TTF2: variants seen among roughly 807,000 people sequenced by gnomAD.
TTF2 encodes the protein transcription termination factor 2.
In TTF2, 108 loss-of-function variants were observed where a neutral mutation model predicts 142.4. That is an observed-to-expected ratio of 0.76 (90% CI 0.65 to 0.89). TTF2 has a LOEUF of 0.89. Ranked by LOEUF, TTF2 falls within the 40% of genes least tolerant of loss-of-function variation. TTF2 has a pLI of 0.00. For synonymous variants in TTF2, 483 were observed against 506.2 expected, an observed-to-expected ratio of 0.95 and a Z score of 0.61; for missense variants, 1,327 against 1,379.8, an observed-to-expected ratio of 0.96 and a Z score of 0.61.
In TTF2 at chr1:117,093,681, A is replaced by G. The variant is rs1233980948; in HGVS notation, c.2976+780A>G. On this transcript the variant is annotated intron_variant, in intron 18 of 22. Transcript: ENST00000369466. The surrounding 1 kb of genome is among the most constrained non-coding windows in gnomAD (Gnocchi z 4.5). Reference sequence around the variant, plus strand: ...ACATTTACCTAGGTCTTTACCACTGATAGCTGAGAGAAACATAAGAAGAGC... The same window carrying G: ...ACATTTACCTAGGTCTTTACCACTGGTAGCTGAGAGAAACATAAGAAGAGC... Among the ~76,000 whole-genome samples, 1 of 152,228 alleles carries G rather than the reference A, an allele frequency of 6.6e-6. No homozygotes were observed. The highest frequency in any genetic ancestry group is 1.5e-5 in the Non-Finnish European group (1 of 68,044).
intron 3 of TTF2, among the ~76,000 whole-genome samples, chr1:117,069,190 T>C (rs939911618): frequency 4.6e-5 from 7 of 152,226 alleles, no homozygotes; most frequent in Non-Finnish European, 1.0e-4. Flanking sequence ...TTTCCAGAGC[T>C]GGACCATGTA....
intron 4 of TTF2, among the ~76,000 whole-genome samples, chr1:117,074,543 C>T (rs542349312): frequency 6.6e-6 from 1 of 152,108 alleles, no homozygotes; most frequent in Admixed American, 6.6e-5. Flanking sequence ...ACTGTGTTTC[C>T]ATTTCTTCTG....
chr1:117,097,455 T>A lies in TTF2; in HGVS notation c.3269+22T>A. On this transcript the variant is annotated intron_variant, in intron 21 of 22. Coordinates refer to ENST00000369466, the MANE Select transcript of TTF2 (RefSeq NM_003594.4). This position sits in a 1 kb window ranked among gnomAD's most constrained non-coding sequence, Gnocchi z 4.1. ...ACTGGTAATGATTCCGGATTTGTCC[T>A]GGGTTGTCACAGCACATCAAGGAGG... 1 of 1,613,190 alleles carries A rather than the reference T, an allele frequency of 6.2e-7. No homozygotes were observed. Among genetic ancestry groups the A allele is most frequent in the Non-Finnish European group, 8.5e-7 (1 of 1,179,120 alleles).
chr1:117,069,266 G>A (rs1377226536), intron 3 of TTF2, among the ~76,000 whole-genome samples: 1 of 152,232 alleles, frequency 6.6e-6, no homozygotes, highest in Non-Finnish European at 1.5e-5. Context: ...GATGTACTGA[G>A]ATTGGGGTGC....
chr1:117,076,260 A>C lies in TTF2; in HGVS notation c.1356A>C (p.Glu452Asp), dbSNP rs1656999288. Residue 452 changes from glutamate to aspartate, a missense_variant, in exon 6 of 23, where the codon GAA (glutamate) becomes GAC (aspartate). Physicochemically the swap from Glu to Asp is conservative, Grantham distance 45. Transcript: ENST00000369466. This position sits in a 1 kb window ranked among gnomAD's most constrained non-coding sequence, Gnocchi z 4.6. ...TCAAACAAATCCAGGAGCTGGAGGA[A>C]GTACTCAGTGGTCTTACCCTTTCCC... ...KLIKQIQELEEVLSGLTLSPE... is the reference protein window; with the variant it reads ...KLIKQIQELEDVLSGLTLSPE... 6.2e-7 allele frequency: 1 copy of C among 1,613,860 alleles called. No homozygotes were observed. The highest frequency in any genetic ancestry group is 8.5e-7 in the Non-Finnish European group (1 of 1,179,882).
At chr1:117,071,899 G>A (rs551074816) in intron 3 of TTF2, among the ~76,000 whole-genome samples, 1 of 152,090 alleles carries the variant, frequency 6.6e-6, no homozygotes, top group Non-Finnish European at 1.5e-5. Flanking sequence ...AAAAGTAATG[G>A]CACAGAGGCA....
At position 117,093,037 on chromosome 1, in the gene TTF2, G is replaced by C; in HGVS notation, c.2976+136G>C. ...AGAGCCGTTAAATTCTAGCTGATCA[G>C]ATTCTCCCTCCAGTCTTAAAGCTTC... On this transcript the variant is annotated intron_variant, in intron 18 of 22. Transcript: ENST00000369466. The surrounding 1 kb of genome is among the most constrained non-coding windows in gnomAD (Gnocchi z 4.5). The C allele has an allele frequency of 1.0e-6, 1 of 958,390 alleles. No homozygotes were observed. Among genetic ancestry groups the C allele is most frequent in the Non-Finnish European group, 1.5e-6 (1 of 645,282 alleles). The allele number at this position is 958,390 out of a possible 1,614,324, so 59.4% of individuals were successfully genotyped here. A position where few individuals can be genotyped will look rare whatever the true frequency, so the allele number is the denominator to read the frequency against.
intron 3 of TTF2, among the ~76,000 whole-genome samples, chr1:117,064,519 T>C (rs911683163): frequency 1.3e-5 from 2 of 152,016 alleles, no homozygotes. Context: ...TTTGTTTGTT[T>C]GTTTGTTTGT....
chr1:117,076,458 T>C lies in TTF2; in HGVS notation c.1390+164T>C. The C allele has an allele frequency of 1.1e-6, 1 of 926,158 alleles. No homozygotes were observed. Among genetic ancestry groups the C allele is most frequent in the South Asian group, 1.8e-5 (1 of 54,890 alleles). The allele number at this position is 926,158 out of a possible 1,614,324, so 57.4% of individuals were successfully genotyped here. On this transcript the variant is annotated intron_variant, in intron 6 of 22. Transcript: ENST00000369466. This position sits in a 1 kb window ranked among gnomAD's most constrained non-coding sequence, Gnocchi z 4.6. ...CACCTATGGTTCATAAAAAACTTTC[T>C]CCTGTTTCCTGTGGACTCTACTTTC...
Position 117,093,319 on chromosome 1 carries a change from A to C in TTF2, c.2976+418A>C, listed in dbSNP as rs1022854105. On this transcript the variant is annotated intron_variant, in intron 18 of 22. Transcript: ENST00000369466. This position sits in a 1 kb window ranked among gnomAD's most constrained non-coding sequence, Gnocchi z 4.5. ...TGCTCTGACTTTGAAAGGCTTCCAC[A>C]TGTGAGTAGTGTTTCCTACATAGCC... 6.6e-6 allele frequency among the ~76,000 whole-genome samples: 1 copy of C among 152,204 alleles called. No individual in the cohort carries two copies. Among genetic ancestry groups the C allele is most frequent in the Admixed American group, 6.5e-5 (1 of 15,286 alleles).
chr1:117,062,353 C>T, intron 2 of TTF2, 34 bp from the exon 3 acceptor site: 1 of 1,595,302 alleles, frequency 6.3e-7, no homozygotes, highest in Non-Finnish European at 8.6e-7. Flanking sequence ...TGTTCCTGAC[C>T]TAAAAATGTT....
At chr1:117,072,666 G>T (rs550215660) in intron 3 of TTF2, among the ~76,000 whole-genome samples, 1 of 151,996 alleles carries the variant, frequency 6.6e-6, no homozygotes, top group African/African-American at 2.4e-5. Context: ...CTCGTGATCC[G>T]CCCACCTCAG....
Position 117,102,977 on chromosome 1 carries a change from G to C in TTF2, c.*1453G>C, listed in dbSNP as rs1278753579. 1 of 152,230 alleles carries C rather than the reference G, an allele frequency of 6.6e-6. No homozygotes were observed. Among genetic ancestry groups the C allele is most frequent in the East Asian group, 1.9e-4 (1 of 5,194 alleles). The allele number at this position is 152,230 out of a possible 1,614,324, so 9.4% of individuals were successfully genotyped here. ...TTGACGGGGTCCATATCAATGGACTGTGGAGAGAAGCGATTGATGTAAGTC... is the reference window on the plus strand; with the variant it reads ...TTGACGGGGTCCATATCAATGGACTCTGGAGAGAAGCGATTGATGTAAGTC... On this transcript the variant is annotated 3_prime_UTR_variant, in exon 23 of 23. Transcript: ENST00000369466.
chr1:117,062,197 G>C (rs898481618), intron 2 of TTF2, among the ~76,000 whole-genome samples, 190 bp from the exon 3 acceptor site: 6 of 152,148 alleles, frequency 3.9e-5, no homozygotes, highest in African/African-American at 1.2e-4. Flanking sequence ...TGAGAAAGTG[G>C]GTAAAGATGA....
intron 3 of TTF2, among the ~76,000 whole-genome samples, chr1:117,071,040 G>A (rs1570803624): frequency 6.6e-6 from 1 of 151,680 alleles, no homozygotes. Context: ...AATTAATGTT[G>A]GTAAAAATTG....
rs1289664 is a variant in TTF2, at chr1:117,097,599, A to G, written c.3269+166A>G. Among the ~76,000 whole-genome samples the G allele has an allele frequency of 1.3e-3, 204 of 152,334 alleles. 2 individuals are homozygous for G. The highest frequency in any genetic ancestry group is 2.1e-3 in the Non-Finnish European group (141 of 68,030). On this transcript the variant is annotated intron_variant, in intron 21 of 22. Coordinates refer to ENST00000369466, the MANE Select transcript of TTF2 (RefSeq NM_003594.4). This position sits in a 1 kb window ranked among gnomAD's most constrained non-coding sequence, Gnocchi z 4.1. ...ACAGATCTAAGCAGGGTATAGGGCT[A>G]GCTGACTCCCCTGAATTCCTGAGCT... is the stretch of plus-strand genomic sequence containing the variant.
Position 117,097,377 on chromosome 1 carries a change from A to G in TTF2, c.3213A>G (p.Gly1071=). 3 of 1,614,098 alleles carry G rather than the reference A, an allele frequency of 1.9e-6. No homozygotes were observed. Among genetic ancestry groups the G allele is most frequent in the Non-Finnish European group, 2.5e-6 (3 of 1,180,010 alleles). ...TAATGCTAATCTCTCTCTTGGCCGG[A>G]GGTGTTGGTCTAAACCTGACTGGAG... is the stretch of plus-strand genomic sequence containing the variant. ...PQVMLISLLA[G]GVGLNLTGGN... The change falls in exon 21 of 23, where the codon GGA becomes GGG. Residue 1071 remains glycine (G), a synonymous_variant. Transcript: ENST00000369466. The surrounding 1 kb of genome is among the most constrained non-coding windows in gnomAD (Gnocchi z 4.1).
rs529398042 is a variant in TTF2, at chr1:117,106,344, A to C, written c.*4820A>C. On this transcript the variant is annotated 3_prime_UTR_variant, in exon 23 of 23. Transcript: ENST00000369466. ...GGGGCGACAGATATGCAGCTACACAATGTTTTTACTATCTTGAGTTCTTTT... is the reference window on the plus strand; with the variant it reads ...GGGGCGACAGATATGCAGCTACACACTGTTTTTACTATCTTGAGTTCTTTT... The C allele has an allele frequency of 6.6e-6, 1 of 152,160 alleles. No homozygotes were observed. The highest frequency in any genetic ancestry group is 2.1e-4 in the South Asian group (1 of 4,812). 9.4% of individuals were successfully genotyped at this position (152,160 alleles called of 1,614,324 possible).
rs749459578 is a variant in TTF2, at chr1:117,073,676, C to G, written c.234C>G (p.Cys78Trp). The G allele has an allele frequency of 1.2e-6, 2 of 1,610,544 alleles. No homozygotes were observed. The highest frequency in any genetic ancestry group is 4.5e-5 in the East Asian group (2 of 44,824). Residue 78 changes from cysteine to tryptophan, a missense_variant, in exon 4 of 23, where the codon TGC (cysteine) becomes TGG (tryptophan). Coordinates refer to ENST00000369466, the MANE Select transcript of TTF2 (RefSeq NM_003594.4). This position sits in a 1 kb window ranked among gnomAD's most constrained non-coding sequence, Gnocchi z 4.4. Reference sequence around the variant, plus strand: ...ACTTCATTAGATTGTTCTTCCGATGCATTAGAAGTAAGGCAGAGGGGAAAC... The same window carrying G: ...ACTTCATTAGATTGTTCTTCCGATGGATTAGAAGTAAGGCAGAGGGGAAAC... ...DKKEYRLFFR[C>W]IRSKAEGKRW...
Sources: gnomAD v4.1 joint callset for allele counts (sites outside exome capture counted in the v4.1 genomes callset) on GRCh38, gnomAD v4.1.1 for gene constraint, Gnocchi (gnomAD v3.1) non-coding constraint, MANE v1.5 for transcripts, NCBI Gene and HGNC (gene_info 2026-07-23, HGNC 2026-07-21) for gene names.